Variants in DMRT1 observed in about 807,000 individuals in gnomAD.
DMRT1 encodes the protein doublesex- and mab-3-related transcription factor 1.
A neutral mutation model predicts 32.3 loss-of-function variants in DMRT1; 7 were observed. The observed-to-expected ratio is 0.22, with a 90% confidence interval of 0.12 to 0.41. The LOEUF (loss-of-function observed/expected upper bound fraction) is 0.41, where lower values mean the gene tolerates loss of function less well. Among genes scored for constraint, DMRT1 ranks in the 10% least tolerant of loss-of-function variants. The pLI is 1.00. For synonymous variants in DMRT1, 278 were observed against 206.1 expected (o/e 1.35, Z -2.99); for missense variants, 625 against 500.5 (o/e 1.25, Z -2.37).
intron 2 of DMRT1, among the ~76,000 whole-genome samples, chr9:887,190 CTG>C (rs1394714331): frequency 2.0e-5 from 3 of 152,336 alleles, no homozygotes; most frequent in Non-Finnish European, 4.4e-5. Flanking sequence ...CAATGTGAGA[CTG>C]TCTCTCAAAC....
intron 2 of DMRT1, among the ~76,000 whole-genome samples, chr9:859,126 C>G (rs1815539855): frequency 6.6e-6 from 1 of 152,118 alleles, no homozygotes; most frequent in South Asian, 2.1e-4. Flanking sequence ...CACCTGTAGA[C>G]TCACATGAGT....
chr9:876,986 C>G (rs1430622451), intron 2 of DMRT1, among the ~76,000 whole-genome samples: 1 of 151,874 alleles, frequency 6.6e-6, no homozygotes, highest in Non-Finnish European at 1.5e-5. Context: ...TCAGAAGAGG[C>G]TGCCTCAGCC....
intron 1 of DMRT1, among the ~76,000 whole-genome samples, chr9:846,078 C>A (rs1289583089): frequency 2.7e-5 from 4 of 148,304 alleles, no homozygotes; most frequent in Non-Finnish European, 4.4e-5. Flanking sequence ...GTCGCCCAGG[C>A]TGGAGTGCAG....
chr9:951,867 TA>T (rs1481961151), intron 4 of DMRT1, among the ~76,000 whole-genome samples: 10 of 152,156 alleles, frequency 6.6e-5, no homozygotes, highest in African/African-American at 2.4e-4. Flanking sequence ...CTGTTTCAGG[TA>T]GTCCCTGGTG....
At chr9:928,515 A>C (rs927213103) in intron 4 of DMRT1, among the ~76,000 whole-genome samples, 3 of 152,198 alleles carry the variant, frequency 2.0e-5, no homozygotes, top group African/African-American at 7.2e-5. Flanking sequence ...TAACTCGGCC[A>C]GGTCTGAGCT....
intron 2 of DMRT1, among the ~76,000 whole-genome samples, chr9:852,990 G>C (rs984010759): frequency 4.6e-5 from 7 of 152,280 alleles, no homozygotes; most frequent in African/African-American, 1.7e-4. Context: ...AAATGTGTTC[G>C]TTTGAAAATG....
At chr9:864,538 G>A (rs1216524052) in intron 2 of DMRT1, among the ~76,000 whole-genome samples, 9 of 101,270 alleles carry the variant, frequency 8.9e-5, no homozygotes, top group East Asian at 6.0e-4. Flanking sequence ...TTGCTCTGTC[G>A]CCCAGGCTGG....
intron 2 of DMRT1, among the ~76,000 whole-genome samples, chr9:870,357 C>T (rs188566283): frequency 2.8e-3 from 432 of 152,252 alleles, no homozygotes; most frequent in African/African-American, 9.9e-3. Flanking sequence ...CGAGATCATG[C>T]CGCTGCACTC....
chr9:844,685 C>T (rs1186418053), intron 1 of DMRT1, among the ~76,000 whole-genome samples: 1 of 150,402 alleles, frequency 6.6e-6, no homozygotes, highest in Non-Finnish European at 1.5e-5. Context: ...CCTAAAACAA[C>T]ATATAAATTG....
At chr9:914,989 T>TA (rs1330961054) in intron 3 of DMRT1, among the ~76,000 whole-genome samples, 2 of 152,252 alleles carry the variant, frequency 1.3e-5, no homozygotes, top group African/African-American at 4.8e-5. Context: ...AATTTTACAC[T>TA]ACCAGGCTCT....
At chr9:948,702 G>GT (rs1031657474) in intron 4 of DMRT1, among the ~76,000 whole-genome samples, 3 of 152,032 alleles carry the variant, frequency 2.0e-5, no homozygotes, top group African/African-American at 7.2e-5. Context: ...AAACAGTTGA[G>GT]TGGCCACCCA....
intron 3 of DMRT1, among the ~76,000 whole-genome samples, chr9:909,976 G>A (rs1293992197): frequency 2.0e-5 from 3 of 152,126 alleles, no homozygotes; most frequent in African/African-American, 4.8e-5. Flanking sequence ...AGCCTCCCAC[G>A]TGCTGAGATT....
intron 4 of DMRT1, among the ~76,000 whole-genome samples, chr9:939,271 C>G (rs1338238501): frequency 2.0e-5 from 3 of 152,220 alleles, no homozygotes; most frequent in African/African-American, 7.2e-5. Context: ...CACTAAGGAC[C>G]TCCTTTTAAC....
chr9:853,077 A>T (rs915136347), intron 2 of DMRT1, among the ~76,000 whole-genome samples: 2 of 151,592 alleles, frequency 1.3e-5, no homozygotes, highest in Admixed American at 6.6e-5. Context: ...TGTTTAAATT[A>T]AAAAAAACAA....
At chr9:862,497 C>A (rs1189534812) in intron 2 of DMRT1, among the ~76,000 whole-genome samples, 1 of 103,706 alleles carries the variant, frequency 9.6e-6, no homozygotes, top group South Asian at 3.6e-4. Flanking sequence ...AAAGGGGAGA[C>A]GAGGACCGTG....
chr9:918,112 G>A (rs1247255851), intron 4 of DMRT1, among the ~76,000 whole-genome samples: 1 of 152,174 alleles, frequency 6.6e-6, no homozygotes, highest in African/African-American at 2.4e-5. Context: ...TACCTGCTGT[G>A]ATGCCTTTTA....
chr9:858,864 A>T lies in DMRT1; in HGVS notation c.538+11721A>T, dbSNP rs1412278286. Among the ~76,000 whole-genome samples, 3 of 29,052 alleles carry T rather than the reference A, an allele frequency of 1.0e-4. No homozygotes were observed. In the East Asian group the frequency reaches 1.9e-3, roughly 18 times the overall value. 19.1% of individuals were successfully genotyped at this position (29,052 alleles called of 152,430 possible). A position where few individuals can be genotyped will look rare whatever the true frequency, so the allele number is the denominator to read the frequency against. On this transcript the variant is annotated intron_variant, in intron 2 of 4. Coordinates refer to ENST00000382276, the MANE Select transcript of DMRT1 (RefSeq NM_021951.3). ...ACTCCAGTCTGTCTCAAAAAAAAAAAAAAAAAATATATATATATATATATA... is the reference window on the plus strand; with the variant it reads ...ACTCCAGTCTGTCTCAAAAAAAAAATAAAAAAATATATATATATATATATA...
chr9:959,433 C>T (rs1819699499), intron 4 of DMRT1, among the ~76,000 whole-genome samples: 1 of 152,218 alleles, frequency 6.6e-6, no homozygotes, highest in Admixed American at 6.5e-5. Flanking sequence ...CCAGGCTTTG[C>T]ATAGAGTCAC....
At chr9:895,289 A>G (rs575864025) in intron 3 of DMRT1, among the ~76,000 whole-genome samples, 2 of 152,228 alleles carry the variant, frequency 1.3e-5, no homozygotes, top group Non-Finnish European at 2.9e-5. Context: ...CATCAAAAGC[A>G]TTCAGAGGCT....
Sources: gnomAD v4.1 joint callset for allele counts (sites outside exome capture counted in the v4.1 genomes callset) on GRCh38, gnomAD v4.1.1 for gene constraint, MANE v1.5 for transcripts, NCBI Gene and HGNC (gene_info 2026-07-23, HGNC 2026-07-21) for gene names.